Variants in SLC39A12 observed in about 807,000 individuals in gnomAD.
SLC39A12 encodes zinc transporter ZIP12.
Under a neutral mutation model 71.1 loss-of-function variants are expected in SLC39A12, and 63 were observed. The observed-to-expected ratio is 0.89, with a 90% CI of 0.72 to 1.09. The LOEUF (loss-of-function observed/expected upper bound fraction) is 1.09. SLC39A12 is among the 50% of genes least tolerant of loss of function. The pLI is 0.00. For synonymous variants in SLC39A12, 351 were observed against 301.3 expected (o/e 1.16, Z -1.71); for missense variants, 892 against 812.6 (o/e 1.10, Z -1.19).
At chr10:17,952,722 C>T (rs1429353620) in intron 1 of SLC39A12, among the ~76,000 whole-genome samples, 24 of 152,196 alleles carry the variant, frequency 1.6e-4, no homozygotes, top group South Asian at 2.1e-4. Flanking sequence ...CTCCTGACCT[C>T]GTGATCTGCC....
At chr10:18,018,709 T>G (rs189522860) in intron 12 of SLC39A12, among the ~76,000 whole-genome samples, 1 of 152,316 alleles carries the variant, frequency 6.6e-6, no homozygotes, top group Admixed American at 6.5e-5. Context: ...GAATCAGCCT[T>G]GCATACCTGG....
At chr10:18,024,280 A>G (rs1032536352) in intron 12 of SLC39A12, among the ~76,000 whole-genome samples, 5 of 151,938 alleles carry the variant, frequency 3.3e-5, no homozygotes, top group African/African-American at 4.8e-5. Flanking sequence ...CAGGAATCCA[A>G]GGCCCTTGGG....
At chr10:17,977,547 C>G (rs1462067466) in intron 4 of SLC39A12, among the ~76,000 whole-genome samples, 1 of 152,154 alleles carries the variant, frequency 6.6e-6, no homozygotes, top group Non-Finnish European at 1.5e-5. Flanking sequence ...TTTCTAGAAT[C>G]TTATCTCCCT....
At chr10:17,962,548 G>A (rs974450359) in intron 3 of SLC39A12, among the ~76,000 whole-genome samples, 1 of 151,056 alleles carries the variant, frequency 6.6e-6, no homozygotes, top group Non-Finnish European at 1.5e-5. Context: ...TTTAAGCCAC[G>A]GGTTTTTTTT....
chr10:18,033,293 G>A (rs12264763), intron 12 of SLC39A12, among the ~76,000 whole-genome samples: 1 of 148,922 alleles, frequency 6.7e-6, no homozygotes, highest in Non-Finnish European at 1.5e-5. Flanking sequence ...ACTCTTTTTG[G>A]TTGGTAAACT....
At chr10:17,976,947 G>C (rs989893427) in intron 4 of SLC39A12, among the ~76,000 whole-genome samples, 1 of 151,752 alleles carries the variant, frequency 6.6e-6, no homozygotes, top group African/African-American at 2.4e-5. Flanking sequence ...TGGTATACTT[G>C]CTCTTGTTAC....
At chr10:17,961,184 T>C (rs1476455857) in intron 2 of SLC39A12, among the ~76,000 whole-genome samples, 1 of 152,064 alleles carries the variant, frequency 6.6e-6, no homozygotes, top group Non-Finnish European at 1.5e-5. Flanking sequence ...AGAAGTTGAG[T>C]GAGATGCTGG....
intron 4 of SLC39A12, among the ~76,000 whole-genome samples, chr10:17,967,191 A>C (rs1834848625): frequency 1.3e-5 from 2 of 152,128 alleles, no homozygotes; most frequent in Admixed American, 6.5e-5. Flanking sequence ...TGCTGATTGC[A>C]GTCCTAGTCA....
At chr10:17,981,645 C>A (rs958393491) in intron 6 of SLC39A12, among the ~76,000 whole-genome samples, 162 bp downstream of exon 6, 6 of 152,138 alleles carry the variant, frequency 3.9e-5, no homozygotes, top group Non-Finnish European at 7.3e-5. Flanking sequence ...TATTATTATT[C>A]CCATTTTACA....
chr10:17,980,209 A>G (rs542399180), intron 5 of SLC39A12, among the ~76,000 whole-genome samples: 7 of 152,260 alleles, frequency 4.6e-5, no homozygotes, highest in African/African-American at 1.7e-4. Flanking sequence ...TGTTCCATGC[A>G]CCCAAATATT....
At chr10:18,015,383 G>A (rs1354619936) in intron 12 of SLC39A12, among the ~76,000 whole-genome samples, 1 of 152,126 alleles carries the variant, frequency 6.6e-6, no homozygotes, top group Non-Finnish European at 1.5e-5. Flanking sequence ...ATGTGAATAA[G>A]TGAATACTCA....
Position 18,042,935 on chromosome 10 carries a change from A to C in SLC39A12, c.*102A>C, listed in dbSNP as rs1837300728. The C allele has an allele frequency of 1.0e-5, 10 of 957,342 alleles. No homozygotes were observed. Among genetic ancestry groups the C allele is most frequent in the Non-Finnish European group, 1.3e-5 (9 of 700,308 alleles). 59.3% of individuals were successfully genotyped at this position (957,342 alleles called of 1,614,324 possible). On this transcript the variant is annotated 3_prime_UTR_variant, in exon 13 of 13. Transcript: ENST00000377369. ...TTTTAAATTAAGAATTTTTTATCTT[A>C]GGCAAAGTGTGTCTCTTTCAATTCA...
intron 5 of SLC39A12, among the ~76,000 whole-genome samples, chr10:17,979,083 C>A (rs1029372642): frequency 6.6e-6 from 1 of 152,190 alleles, no homozygotes; most frequent in African/African-American, 2.4e-5. Context: ...CTGTAGAAAT[C>A]TGATAACATC....
intron 4 of SLC39A12, among the ~76,000 whole-genome samples, chr10:17,967,898 A>AAAT (rs1554849110): frequency 1.2e-3 from 144 of 119,742 alleles, no homozygotes; most frequent in Middle Eastern, 4.5e-3. Flanking sequence ...AAAAAAAAAA[A>AAAT]ATATATATAT....
rs781876660 is a variant in SLC39A12 at position 17,953,442 on chromosome 10, C to T, written c.166C>T (p.Pro56Ser). 39 of 1,614,022 alleles carry T rather than the reference C, an allele frequency of 2.4e-5. No homozygotes were observed. Among genetic ancestry groups the T allele is most frequent in the Admixed American group, 3.3e-5 (2 of 59,990 alleles). Residue 56 changes from proline (P) to serine (S), a missense_variant, in exon 2 of 13, where the codon CCA (proline) becomes TCA (serine). Physicochemically the swap from Pro to Ser is moderately conservative, Grantham distance 74. Coordinates refer to ENST00000377369, the MANE Select transcript of SLC39A12 (RefSeq NM_001145195.2). The part of the protein sequence containing the change: ...LLQVLSAGDH[P>S]PHNHSRSLIK... The stretch of plus-strand genomic sequence containing the variant: ...ACAGGTTCTCTCTGCTGGTGACCAC[C>T]CACCCCACAACCACTCAAGAAGCCT...
Position 17,991,285 on chromosome 10 carries a change from T to A in SLC39A12, c.1404T>A (p.Leu468=), listed in dbSNP as rs59434947. ...TGATAGAAAAATGTTTTATTCTTCT[T>A]GTATCACCAAATGACAAGGTATATT... ...FFLIEKCFIL[L]VSPNDKQGLS... The change falls in exon 8 of 13, where the codon CTT becomes CTA. Residue 468 remains leucine (L), a synonymous_variant. Coordinates refer to ENST00000377369, the MANE Select transcript of SLC39A12 (RefSeq NM_001145195.2). 0.027 allele frequency: 42,606 copies of A among 1,588,620 alleles called. 5,611 individuals are homozygous for A. In the African/African-American group the frequency reaches 0.37, roughly 14 times the overall value.
At chr10:18,009,122 T>C (rs947363246) in intron 12 of SLC39A12, among the ~76,000 whole-genome samples, 2 of 152,178 alleles carry the variant, frequency 1.3e-5, no homozygotes, top group Non-Finnish European at 2.9e-5. Flanking sequence ...TCTGAAGCAA[T>C]GTTTCAAACC....
intron 12 of SLC39A12, among the ~76,000 whole-genome samples, chr10:18,040,728 C>T (rs1209135923): frequency 6.8e-6 from 1 of 148,014 alleles, no homozygotes; most frequent in Non-Finnish European, 1.5e-5. Flanking sequence ...GAGATCATGC[C>T]ACTGTACTCC....
intron 12 of SLC39A12, among the ~76,000 whole-genome samples, chr10:18,037,145 C>G (rs893048402): frequency 2.0e-5 from 3 of 151,984 alleles, no homozygotes; most frequent in Non-Finnish European, 2.9e-5. Context: ...TGATTTTCCT[C>G]TTCTTGAATT....
Sources: gnomAD v4.1 joint callset for allele counts (sites outside exome capture counted in the v4.1 genomes callset) on GRCh38, gnomAD v4.1.1 for gene constraint, MANE v1.5 for transcripts, NCBI Gene and HGNC (gene_info 2026-07-23, HGNC 2026-07-21) for gene names.